The following OBSL1 variants were observed in gnomAD, a reference collection of about 807,000 sequenced individuals.
The protein encoded by OBSL1 is obscurin-like protein 1.
Under a neutral mutation model 172.0 loss-of-function variants are expected in OBSL1, and 160 were observed. The ratio of observed to expected loss-of-function variants is 0.93; its 90% CI spans 0.82 to 1.06. OBSL1 has a LOEUF of 1.06. Ranked by LOEUF, OBSL1 falls within the 50% of genes least tolerant of loss-of-function variation. OBSL1 has a pLI of 0.00. For missense variants in OBSL1, 2,681 were observed against 2,715.4 expected, an observed-to-expected ratio of 0.99 and a Z score of 0.28; for synonymous variants, 1,200 against 1,196.3, an observed-to-expected ratio of 1.00 and a Z score of -0.06.
intron 7 of OBSL1, 125 bp downstream of exon 7, chr2:219,563,230 C>T: frequency 1.0e-6 from 1 of 973,148 alleles, no homozygotes; most frequent in Non-Finnish European, 1.5e-6. Flanking sequence ...GGGAGGAGGT[C>T]CGATCTGCCA....
rs375870998 is a variant in OBSL1 at position 219,553,622 on chromosome 2, C to G, written c.4941G>C (p.Thr1647=). 6.2e-7 allele frequency: 1 copy of G among 1,613,930 alleles called. No homozygotes were observed. The highest frequency in any genetic ancestry group is 8.5e-7 in the Non-Finnish European group (1 of 1,179,890). The change falls in exon 16 of 21, where the codon ACG becomes ACC. Residue 1647 remains threonine, a synonymous_variant. Coordinates refer to ENST00000404537, the MANE Select transcript of OBSL1 (RefSeq NM_015311.3). The part of the protein sequence containing the change: ...DLEVTEGDTA[T]FECELSQALA... ...AAGCTTGGGAAAGCTCGCACTCGAA[C>G]GTAGCTGTGTCGCCCTCGGTCACCT...
chr2:219,553,705 G>C lies in OBSL1; in HGVS notation c.4877-19C>G. 1.3e-6 allele frequency: 2 copies of C among 1,580,282 alleles called. No individual in the cohort carries two copies. The highest frequency in any genetic ancestry group is 1.7e-6 in the Non-Finnish European group (2 of 1,151,180). On this transcript the variant is annotated intron_variant, in intron 15 of 20. Coordinates refer to ENST00000404537, the MANE Select transcript of OBSL1 (RefSeq NM_015311.3). ...GGGACCTCTGGGGGTGGGAGAGGGA[G>C]GACAGTGCAGAGGGAGCAGGATGGG...
chr2:219,554,235 T>A, intron 15 of OBSL1: 1 of 582,528 alleles, frequency 1.7e-6, no homozygotes, highest in South Asian at 2.1e-5. Context: ...ATGCTCTTGG[T>A]AGCAGAGTCA....
Position 219,558,428 on chromosome 2 carries a change from G to A in OBSL1, c.3258C>T (p.Ala1086=). The change falls in exon 10 of 21, where the codon GCC becomes GCT. Residue 1086 remains alanine (A), a synonymous_variant. Transcript: ENST00000404537. The part of the protein sequence containing the change: ...APPERIVHPA[A]RSLDLHFGAP... ...CCCCAAAATGCAGATCCAGGGAGCG[G>A]GCTGCCGGGTGCACAATCCTCTCTG... is the stretch of plus-strand genomic sequence containing the variant. The A allele has an allele frequency of 6.3e-7, 1 of 1,593,092 alleles. No individual in the cohort carries two copies. The highest frequency in any genetic ancestry group is 8.5e-7 in the Non-Finnish European group (1 of 1,171,612).
At position 219,558,216 on chromosome 2, in the gene OBSL1, T is replaced by C; in HGVS notation, c.3470A>G (p.His1157Arg). The C allele has an allele frequency of 1.2e-6, 2 of 1,608,670 alleles. No individual in the cohort carries two copies. The highest frequency in any genetic ancestry group is 1.1e-5 in the South Asian group (1 of 90,782). The change falls in exon 10 of 21, where the codon CAT (histidine) becomes CGT (arginine). Residue 1157 changes from histidine (H) to arginine (R), a missense_variant. Coordinates refer to ENST00000404537, the MANE Select transcript of OBSL1 (RefSeq NM_015311.3). ...GATGACATTGAAGGTGATGGCCTCATGCCGGGTCTCACACACATACTCCCC... is the reference window on the plus strand; with the variant it reads ...GATGACATTGAAGGTGATGGCCTCACGCCGGGTCTCACACACATACTCCCC... ...DAGEYVCETR[H>R]EAITFNVILA...
chr2:219,548,059 T>C (rs768282168), downstream of OBSL1: 48 of 1,568,158 alleles, frequency 3.1e-5, 1 homozygote, highest in South Asian at 5.5e-4. Flanking sequence ...GGGTGACAGC[T>C]GAGGGGGACT....
In OBSL1 at chr2:219,568,068, G is replaced by T. The variant is rs755539040; in HGVS notation, c.1269C>A (p.Asn423Lys). 2 of 1,609,704 alleles carry T rather than the reference G, an allele frequency of 1.2e-6. No individual in the cohort carries two copies. The highest frequency in any genetic ancestry group is 2.2e-5 in the East Asian group (1 of 44,738). The change falls in exon 2 of 21, where the codon AAC (asparagine) becomes AAA (lysine). Residue 423 changes from asparagine to lysine, a missense_variant. Asn to Lys is a moderately conservative substitution (Grantham distance 94). Transcript: ENST00000404537. This position sits in a 1 kb window ranked among gnomAD's most constrained non-coding sequence, Gnocchi z 4.1. ...GGGCCAGCTGACCTTTGACTGTGAC[G>T]TTGGCCACGGTGCGCACCCGGCCCC... The part of the protein sequence containing the change: ...EMRGRVRTVA[N>K]VTVKGPILKR...
chr2:219,550,840 T>C lies in OBSL1; in HGVS notation c.5686A>G (p.Asn1896Asp). The C allele has an allele frequency of 6.2e-7, 1 of 1,611,312 alleles. No homozygotes were observed. The highest frequency in any genetic ancestry group is 8.5e-7 in the Non-Finnish European group (1 of 1,178,950). ...STHTRLLVEG[N>D] ...CCTGGCCTGGTTAGGTTCTCCTAGT[T>C]GCCTGCAGAGGAATGACTCCACATG... Residue 1896 changes from asparagine (N) to aspartate (D), a missense_variant and splice_region_variant, in exon 21 of 21, where the codon AAC becomes GAC. Coordinates refer to ENST00000404537, the MANE Select transcript of OBSL1 (RefSeq NM_015311.3).
chr2:219,558,864 A>G (rs1696243238), intron 9 of OBSL1, among the ~76,000 whole-genome samples: 1 of 151,994 alleles, frequency 6.6e-6, no homozygotes, highest in Admixed American at 6.6e-5. Flanking sequence ...CTGACAAACC[A>G]TCTCTTTTAT....
At position 219,551,543 on chromosome 2, in the gene OBSL1, C is replaced by T; in HGVS notation, c.5669G>A (p.Arg1890Gln). ...CQAGQDSTHT[R>Q]LLVEGN Reference sequence around the variant, plus strand: ...GCTTTACTCACCCTCTACCAGCAGCCGTGTGTGGGTGCTGTCCTGGCCGGC... The same window carrying T: ...GCTTTACTCACCCTCTACCAGCAGCTGTGTGTGGGTGCTGTCCTGGCCGGC... Residue 1890 changes from arginine to glutamine, a missense_variant, in exon 20 of 21, where the codon CGG becomes CAG. This residue lies in a region of OBSL1 where 1,765 missense variants were observed against 1,748.3 expected (regional missense o/e 1.01). Coordinates refer to ENST00000404537, the MANE Select transcript of OBSL1 (RefSeq NM_015311.3). 6.3e-7 allele frequency: 1 copy of T among 1,594,458 alleles called. No individual in the cohort carries two copies. Among genetic ancestry groups the T allele is most frequent in the Non-Finnish European group, 8.5e-7 (1 of 1,170,660 alleles).
At chr2:219,549,654 A>G, downstream of OBSL1, 1 of 1,594,624 alleles carries the variant, frequency 6.3e-7, no homozygotes, top group Non-Finnish European at 8.6e-7. Context: ...GGAATTCAGG[A>G]AGAGGTGGCT....
At chr2:219,547,621 G>A (rs201900499), downstream of OBSL1, 28 of 1,512,822 alleles carry the variant, frequency 1.9e-5, no homozygotes, top group African/African-American at 2.8e-5. Context: ...GTGCTGGGGC[G>A]AGCGCGGGCA....
chr2:219,571,308 GCGGC>G lies in OBSL1; in HGVS notation c.-80_-77del. 1.0e-6 allele frequency: 1 copy of G among 964,334 alleles called. No individual in the cohort carries two copies. The highest frequency in any genetic ancestry group is 1.3e-6 in the Non-Finnish European group (1 of 745,786). The allele number at this position is 964,334 out of a possible 1,614,324, so 59.7% of individuals were successfully genotyped here. The stretch of plus-strand genomic sequence containing the variant: ...TGCGGAGGGCGAGCCGAGGCCCGGG[GCGGC>G]GGGGTCGGGGCGCGGCTGGGGACTG... On this transcript the variant is annotated 5_prime_UTR_variant, in exon 1 of 21. Transcript: ENST00000404537.
rs767016957 is a variant in OBSL1 at position 219,557,917 on chromosome 2, G to A, written c.3696C>T (p.Ile1232=). 3.7e-6 allele frequency: 6 copies of A among 1,605,248 alleles called. No individual in the cohort carries two copies. The South Asian group carries it at 6.6e-5, about 18-fold the overall frequency. ...CTGCATGGGCTGGGCCTGCAGCCTG[G>A]ATGCAGAGGACTCGGCGGGGGCCCT... The part of the protein sequence containing the change: ...HAEGPRRVLC[I]QAAGPAHAGL... Residue 1232 remains isoleucine, a synonymous_variant, in exon 11 of 21, where the codon ATC becomes ATT. Coordinates refer to ENST00000404537, the MANE Select transcript of OBSL1 (RefSeq NM_015311.3).
downstream of OBSL1, chr2:219,548,123 G>T: frequency 6.8e-7 from 1 of 1,462,566 alleles, no homozygotes; most frequent in South Asian, 1.4e-5. Context: ...AGGAGTGGGT[G>T]GCCAGGGATG....
chr2:219,568,250 T>G lies in OBSL1; in HGVS notation c.1087A>C (p.Lys363Gln). The G allele has an allele frequency of 6.2e-7, 1 of 1,612,948 alleles. No homozygotes were observed. Among genetic ancestry groups the G allele is most frequent in the South Asian group, 1.1e-5 (1 of 91,012 alleles). Residue 363 changes from lysine to glutamine, a missense_variant, in exon 2 of 21, where the codon AAA becomes CAA. Transcript: ENST00000404537. The surrounding 1 kb of genome is among the most constrained non-coding windows in gnomAD (Gnocchi z 4.1). The part of the protein sequence containing the change: ...REHGIAVLEC[K>Q]VPNSRIPTAW... ...GTGGGGATGCGGGAGTTGGGTACTT[T>G]ACATTCCAGCACGGCAATCCCGTGC...
rs758147867 is a variant in OBSL1, at chr2:219,556,468, C to T, written c.4322G>A (p.Arg1441Gln). 76 of 1,613,672 alleles carry T rather than the reference C, an allele frequency of 4.7e-5. No homozygotes were observed. Among genetic ancestry groups the T allele is most frequent in the South Asian group, 1.1e-4 (10 of 91,084 alleles). Reference sequence around the variant, plus strand: ...CAGGACCTAACCTCGAACATGGAGCCGGGCACTTGTGGCCGTGCTCCCTGC... The same window carrying T: ...CAGGACCTAACCTCGAACATGGAGCTGGGCACTTGTGGCCGTGCTCCCTGC... ...LRAGSTATSARLHVRETELLF... is the reference protein window; with the variant it reads ...LRAGSTATSAQLHVRETELLF... Residue 1441 changes from arginine (R) to glutamine (Q), a missense_variant, in exon 13 of 21, where the codon CGG becomes CAG. By Grantham distance (43) the Arg-to-Gln change is conservative. Around this residue, in one of 5 missense-constraint regions of OBSL1, gnomAD observed 1,765 missense variants for 1,748.3 expected, o/e 1.01. Coordinates refer to ENST00000404537, the MANE Select transcript of OBSL1 (RefSeq NM_015311.3).
rs1227314883 is a variant in OBSL1, at chr2:219,557,699, G to T, written c.3791-81C>A. 5.9e-6 allele frequency: 9 copies of T among 1,519,820 alleles called. No individual in the cohort carries two copies. In the East Asian group the frequency reaches 1.4e-4, roughly 23 times the overall value. The allele number at this position is 1,519,820 out of a possible 1,614,324, so 94.1% of individuals were successfully genotyped here. A position where few individuals can be genotyped will look rare whatever the true frequency, so the allele number is the denominator to read the frequency against. ...GGCACGGGGAGGCATGACGGGGAAG[G>T]TACTGAGAGAAGTGGGGCCAGGGAT... On this transcript the variant is annotated intron_variant, in intron 11 of 20. Transcript: ENST00000404537.
At position 219,556,454 on chromosome 2, in the gene OBSL1, C is replaced by A; in HGVS notation, c.4336G>T (p.Glu1446Ter). 2.5e-6 allele frequency: 4 copies of A among 1,613,776 alleles called. No individual in the cohort carries two copies. Among genetic ancestry groups the A allele is most frequent in the Non-Finnish European group, 3.4e-6 (4 of 1,179,876 alleles). ...TATCTCATCCTCATCAGGACCTAAC[C>A]TCGAACATGGAGCCGGGCACTTGTG... Reference protein sequence around the residue: ...TATSARLHVRETELLFLRRLQ... With the variant: ...TATSARLHVR Residue 1446 changes from glutamate to a stop codon, truncating the protein, a stop_gained and splice_region_variant, in exon 13 of 21, where the codon GAG becomes TAG. Transcript: ENST00000404537. LOFTEE classifies it high-confidence loss of function.
Sources: allele counts gnomAD v4.1 joint callset (sites outside exome capture counted in the v4.1 genomes callset), GRCh38; gene constraint gnomAD v4.1.1; regional missense constraint gnomAD v4.1.1; non-coding constraint Gnocchi (gnomAD v3.1); transcripts MANE v1.5; gene names NCBI Gene and HGNC (gene_info 2026-07-23, HGNC 2026-07-21).